The following RPS6KC1 variants were observed in gnomAD, a reference collection of about 807,000 sequenced individuals.
The protein encoded by RPS6KC1 is ribosomal protein S6 kinase C1.
In RPS6KC1, 54 loss-of-function variants were observed where a neutral mutation model predicts 103.8. The ratio of observed to expected loss-of-function variants is 0.52; its 90% CI spans 0.42 to 0.65. The LOEUF is 0.65. RPS6KC1 is among the 30% of genes least tolerant of loss of function. The probability of loss-of-function intolerance (pLI) is 0.00; values close to 1 mark genes in which losing one functional copy is unlikely to be tolerated. For missense variants in RPS6KC1, 1,151 were observed against 1,253.8 expected, an observed-to-expected ratio of 0.92 and a Z score of 1.24; for synonymous variants, 439 against 438.7, an observed-to-expected ratio of 1.00 and a Z score of -0.01.
chr1:213,068,955 G>A (rs1376250728), intron 1 of RPS6KC1, among the ~76,000 whole-genome samples: 2 of 151,304 alleles, frequency 1.3e-5, no homozygotes, highest in African/African-American at 2.4e-5. Flanking sequence ...CTACACAAGA[G>A]GCTGAGGTGG....
At chr1:213,474,219 C>G in the RPS6KC1 span, among the ~76,000 whole-genome samples, 1 of 152,106 alleles carries the variant, frequency 6.6e-6, no homozygotes, top group African/African-American at 2.4e-5. Context: ...TGGGGTTGCT[C>G]GGTGGATGTC....
the RPS6KC1 span, among the ~76,000 whole-genome samples, chr1:213,355,339 C>G: frequency 6.6e-6 from 1 of 152,092 alleles, no homozygotes; most frequent in Non-Finnish European, 1.5e-5. Context: ...ATTTTCAGAC[C>G]AGCTGGAAGG....
chr1:213,393,122 G>A, the RPS6KC1 span, among the ~76,000 whole-genome samples: 30 of 152,270 alleles, frequency 2.0e-4, no homozygotes, highest in Non-Finnish European at 3.5e-4. Flanking sequence ...GCTGTAGCTG[G>A]TGTAACCCAG....
the RPS6KC1 span, among the ~76,000 whole-genome samples, chr1:213,356,978 C>T: frequency 6.6e-6 from 1 of 152,200 alleles, no homozygotes; most frequent in East Asian, 1.9e-4. Flanking sequence ...GTGACTCTGA[C>T]TGTGGTCACC....
At chr1:213,485,219 T>C in the RPS6KC1 span, among the ~76,000 whole-genome samples, 1 of 152,200 alleles carries the variant, frequency 6.6e-6, no homozygotes, top group Non-Finnish European at 1.5e-5. Context: ...AGCTCAATCC[T>C]GCTGGGGAAC....
At chr1:213,355,203 T>C in the RPS6KC1 span, among the ~76,000 whole-genome samples, 2 of 147,668 alleles carry the variant, frequency 1.4e-5, no homozygotes, top group Non-Finnish European at 1.5e-5. Flanking sequence ...GGAGACAGAG[T>C]GAGACTCTGT....
intron 6 of RPS6KC1, among the ~76,000 whole-genome samples, chr1:213,135,827 T>C (rs576995496): frequency 2.0e-4 from 31 of 152,272 alleles, no homozygotes; most frequent in Non-Finnish European, 3.4e-4. Flanking sequence ...AACTATTTCA[T>C]AGGTTCAGAG....
chr1:213,664,192 C>CGGCGGGG, the RPS6KC1 span, among the ~76,000 whole-genome samples: 1 of 29,858 alleles, frequency 3.3e-5, no homozygotes, highest in Non-Finnish European at 6.0e-5. Context: ...AAGAAATGAG[C>CGGCGGGG]GGGGGGGCGG....
At chr1:213,694,125 G>A in the RPS6KC1 span, among the ~76,000 whole-genome samples, 3 of 152,196 alleles carry the variant, frequency 2.0e-5, no homozygotes, top group Admixed American at 1.3e-4. Context: ...GGAAAGGCTG[G>A]GATCGGGATT....
At chr1:213,801,858 G>T in the RPS6KC1 span, among the ~76,000 whole-genome samples, 1 of 152,240 alleles carries the variant, frequency 6.6e-6, no homozygotes, top group African/African-American at 2.4e-5. Flanking sequence ...ATATTGGGAA[G>T]AGAATGGAAC....
chr1:213,347,376 A>G, the RPS6KC1 span, among the ~76,000 whole-genome samples: 47 of 152,326 alleles, frequency 3.1e-4, no homozygotes, highest in African/African-American at 1.1e-3. Context: ...CAACTTCAGA[A>G]TTAGGAAAAC....
At chr1:213,453,359 G>A in the RPS6KC1 span, among the ~76,000 whole-genome samples, 1 of 152,124 alleles carries the variant, frequency 6.6e-6, no homozygotes, top group South Asian at 2.1e-4. Context: ...TGTGGTAGGA[G>A]TTGTGGTGGG....
the RPS6KC1 span, among the ~76,000 whole-genome samples, chr1:213,636,876 G>A: frequency 6.6e-6 from 1 of 152,038 alleles, no homozygotes; most frequent in Non-Finnish European, 1.5e-5. Flanking sequence ...ATCTGACAAA[G>A]GGCTAATATC....
At chr1:213,530,516 C>A in the RPS6KC1 span, among the ~76,000 whole-genome samples, 1 of 112,948 alleles carries the variant, frequency 8.9e-6, no homozygotes, top group Non-Finnish European at 2.0e-5. Context: ...AGAGTCAGAG[C>A]AGCTAACCAA....
At chr1:213,622,643 C>T in the RPS6KC1 span, among the ~76,000 whole-genome samples, 13 of 152,210 alleles carry the variant, frequency 8.5e-5, no homozygotes, top group East Asian at 3.9e-4. Flanking sequence ...GTCGGCTGCA[C>T]GTATGTCTCT....
the RPS6KC1 span, among the ~76,000 whole-genome samples, chr1:213,833,240 C>T: frequency 6.6e-6 from 1 of 152,190 alleles, no homozygotes; most frequent in Non-Finnish European, 1.5e-5. Context: ...CCTATCAGGC[C>T]TTCATGGCCA....
At chr1:213,646,897 A>T in the RPS6KC1 span, among the ~76,000 whole-genome samples, 691 of 150,532 alleles carry the variant, frequency 4.6e-3, 6 homozygotes, top group East Asian at 0.035. Context: ...ATATATATAT[A>T]TTTTTGTTTG....
the RPS6KC1 span, among the ~76,000 whole-genome samples, chr1:213,839,018 C>G: frequency 6.6e-6 from 1 of 152,162 alleles, no homozygotes; most frequent in African/African-American, 2.4e-5. Context: ...TAAGGAAAGT[C>G]TAGCCTGAAT....
the RPS6KC1 span, among the ~76,000 whole-genome samples, chr1:213,565,207 G>A: frequency 6.8e-6 from 1 of 146,510 alleles, no homozygotes; most frequent in Non-Finnish European, 1.5e-5. Flanking sequence ...TGGAGAAAGG[G>A]ATCAGTCTTT....
Sources: gnomAD v4.1 joint callset for allele counts (sites outside exome capture counted in the v4.1 genomes callset) on GRCh38, gnomAD v4.1.1 for gene constraint, MANE v1.5 for transcripts, NCBI Gene and HGNC (gene_info 2026-07-23, HGNC 2026-07-21) for gene names.